SLC12A9: variants seen among roughly 807,000 people sequenced by gnomAD.
The protein encoded by SLC12A9 is solute carrier family 12 member 9.
A neutral mutation model predicts 66.0 loss-of-function variants in SLC12A9; 55 were observed. That is an observed-to-expected ratio of 0.83 (90% CI 0.67 to 1.04). SLC12A9 has a LOEUF of 1.04. Ranked by LOEUF, SLC12A9 falls within the 50% of genes least tolerant of loss-of-function variation. The pLI is 0.00. For missense variants in SLC12A9, 1,061 were observed against 1,241.9 expected (o/e 0.85, Z 2.19); for synonymous variants, 577 against 569.0 (o/e 1.01, Z -0.20).
At chr7:100,844,725 C>G (rs1318533801) in intron 1 of SLC12A9, among the ~76,000 whole-genome samples, 1 of 152,098 alleles carries the variant, frequency 6.6e-6, no homozygotes, top group Non-Finnish European at 1.5e-5. Flanking sequence ...CCCCTTGATC[C>G]TCGCTAGAAA....
intron 1 of SLC12A9, among the ~76,000 whole-genome samples, chr7:100,833,444 G>C (rs1254070678): frequency 2.0e-5 from 3 of 151,642 alleles, no homozygotes; most frequent in African/African-American, 7.3e-5. Flanking sequence ...ACTCCAGGCT[G>C]GGTGACAGAG....
intron 1 of SLC12A9, among the ~76,000 whole-genome samples, chr7:100,840,741 A>G (rs1196233490): frequency 6.6e-6 from 1 of 151,776 alleles, no homozygotes; most frequent in Non-Finnish European, 1.5e-5. Flanking sequence ...AAAGAAAGAG[A>G]GATATACAAG....
chr7:100,860,622 T>C, intron 9 of SLC12A9: 1 of 357,782 alleles, frequency 2.8e-6, no homozygotes, highest in East Asian at 7.3e-5. Flanking sequence ...CACTGATACT[T>C]TGGAGGTTTG....
chr7:100,835,751 G>T (rs1477163265), intron 1 of SLC12A9, among the ~76,000 whole-genome samples: 2 of 152,222 alleles, frequency 1.3e-5, no homozygotes, highest in African/African-American at 4.8e-5. Context: ...CCCCTCCCTA[G>T]TGCTGGGGAT....
At chr7:100,851,534 C>T (rs1322923323), upstream of SLC12A9, among the ~76,000 whole-genome samples, 2 of 151,504 alleles carry the variant, frequency 1.3e-5, no homozygotes, top group African/African-American at 2.4e-5. Context: ...AGCGATCCTC[C>T]TGCCTCAGCC....
intron 3 of SLC12A9, 174 bp from the exon 4 acceptor site, chr7:100,855,532 G>T: frequency 1.3e-6 from 1 of 757,112 alleles, no homozygotes; most frequent in African/African-American, 1.7e-5. Flanking sequence ...TCATCTGTTA[G>T]GCAGTGATTG....
intron 13 of SLC12A9, 98 bp from the exon 14 acceptor site, chr7:100,865,621 G>A (rs931279782): frequency 1.3e-6 from 2 of 1,556,708 alleles, no homozygotes; most frequent in African/African-American, 2.7e-5. Flanking sequence ...TCATACCTAT[G>A]GCTGACGCAC....
At chr7:100,837,240 G>A (rs1225885402) in intron 1 of SLC12A9, 1 of 152,280 alleles carries the variant, frequency 6.6e-6, no homozygotes, top group Non-Finnish European at 1.5e-5. Flanking sequence ...ACTGGGCCCA[G>A]TCCCACAATC....
chr7:100,854,891 C>T (rs775553785), intron 3 of SLC12A9, 137 bp downstream of exon 3: 25 of 1,196,066 alleles, frequency 2.1e-5, no homozygotes, highest in African/African-American at 1.7e-4. Context: ...AGGCTGGGTG[C>T]GGTGGCTCAC....
intron 1 of SLC12A9, among the ~76,000 whole-genome samples, chr7:100,847,116 C>T (rs6955197): frequency 0.21 from 31,798 of 152,130 alleles, 4,195 homozygotes; most frequent in East Asian, 0.45. Context: ...CCGATGCCCC[C>T]GGCCGAATAA....
chr7:100,859,550 C>A (rs1814611703), intron 7 of SLC12A9: 8 of 373,190 alleles, frequency 2.1e-5, no homozygotes, highest in South Asian at 1.2e-4. Flanking sequence ...AGCCTCCCCC[C>A]AAATACAAAA....
chr7:100,862,572 A>AC, intron 12 of SLC12A9, 109 bp from the exon 13 acceptor site: 2 of 1,302,182 alleles, frequency 1.5e-6, no homozygotes, highest in Non-Finnish European at 2.2e-6. Context: ...CTTTCCCATG[A>AC]CCCCTCCAAG....
chr7:100,844,026 C>T (rs747988523), intron 1 of SLC12A9, among the ~76,000 whole-genome samples: 23 of 152,158 alleles, frequency 1.5e-4, no homozygotes, highest in Non-Finnish European at 3.1e-4. Context: ...CAGTCACACC[C>T]GGAAGCTGAC....
chr7:100,841,890 T>TA (rs973913514), intron 1 of SLC12A9, among the ~76,000 whole-genome samples: 1 of 152,108 alleles, frequency 6.6e-6, no homozygotes, highest in African/African-American at 2.4e-5. Context: ...TCCCCACATT[T>TA]AAAACAAAAA....
rs138931632 is a variant in SLC12A9, at chr7:100,830,955, T to C, written n.228+3908T>C. On this transcript the variant is annotated intron_variant and non_coding_transcript_variant, in intron 1 of 1. Transcript: ENST00000461016. ...TAGCCACTAAATTACAGAACGTGGG[T>C]GAACATTCACGTTACTACCTGAATC... Among the ~76,000 whole-genome samples, 593 of 152,112 alleles carry C rather than the reference T, an allele frequency of 3.9e-3. 3 individuals are homozygous for C. The highest frequency in any genetic ancestry group is 0.014 in the African/African-American group (565 of 41,470).
At chr7:100,862,951 A>G (rs2116641423) in intron 13 of SLC12A9, 124 bp downstream of exon 13, 3 of 1,175,482 alleles carry the variant, frequency 2.6e-6, no homozygotes, top group South Asian at 1.4e-5. Flanking sequence ...TCGAGAGGAG[A>G]TAAGACAGTG....
intron 1 of SLC12A9, among the ~76,000 whole-genome samples, chr7:100,832,197 C>G (rs113231406): frequency 6.6e-6 from 1 of 151,116 alleles, no homozygotes; most frequent in African/African-American, 2.4e-5. Flanking sequence ...AGACTCCGTC[C>G]CACTCCCACC....
chr7:100,861,528 G>T lies in SLC12A9; in HGVS notation c.1480G>T (p.Ala494Ser). The T allele has an allele frequency of 1.2e-6, 2 of 1,613,742 alleles. No individual in the cohort carries two copies. Among genetic ancestry groups the T allele is most frequent in the Non-Finnish European group, 1.7e-6 (2 of 1,180,010 alleles). Residue 494 changes from alanine to serine, a missense_variant, in exon 11 of 14, where the codon GCG (alanine) becomes TCG (serine). Coordinates refer to ENST00000354161, the MANE Select transcript of SLC12A9 (RefSeq NM_020246.4). The surrounding 1 kb of genome is among the most constrained non-coding windows in gnomAD (Gnocchi z 5.3). ...LMGLLAALLT[A>S]RGGPSSWGYV... ...GGGTCTGCTGGCTGCCCTGCTCACC[G>T]CGCGAGGAGGCCCCAGTAGCTGGGG...
chr7:100,843,078 A>T (rs979769379), intron 1 of SLC12A9, among the ~76,000 whole-genome samples: 5 of 152,232 alleles, frequency 3.3e-5, no homozygotes, highest in African/African-American at 4.8e-5. Context: ...GCCCTTGTTC[A>T]TCCCTGAGCG....
Sources: gnomAD v4.1 joint callset for allele counts (sites outside exome capture counted in the v4.1 genomes callset) on GRCh38, gnomAD v4.1.1 for gene constraint, Gnocchi (gnomAD v3.1) non-coding constraint, MANE v1.5 for transcripts, NCBI Gene and HGNC (gene_info 2026-07-23, HGNC 2026-07-21) for gene names.